The following COL13A1 variants were observed in gnomAD, a reference collection of about 807,000 sequenced individuals.
COL13A1 encodes collagen type XIII alpha 1 chain.
COL13A1 carries 89 observed loss-of-function variants against 130.9 expected under a neutral mutation model. That is an observed-to-expected ratio of 0.68 (90% confidence interval 0.57 to 0.81). The LOEUF (loss-of-function observed/expected upper bound fraction) is 0.81, where lower values mean the gene tolerates loss of function less well. COL13A1 is among the 30% of genes least tolerant of loss of function. COL13A1 has a pLI of 0.00. For synonymous variants in COL13A1, 402 were observed against 341.6 expected (o/e 1.18, Z -1.95); for missense variants, 879 against 934.6 (o/e 0.94, Z 0.78).
At chr10:69,849,168 G>T (rs570605009) in intron 2 of COL13A1, among the ~76,000 whole-genome samples, 2 of 152,206 alleles carry the variant, frequency 1.3e-5, no homozygotes, top group Non-Finnish European at 2.9e-5. Flanking sequence ...ACAGAGAACG[G>T]GTTTCTGACC....
chr10:69,910,024 A>G (rs2063191383), intron 17 of COL13A1, among the ~76,000 whole-genome samples: 1 of 152,172 alleles, frequency 6.6e-6, no homozygotes, highest in Non-Finnish European at 1.5e-5. Flanking sequence ...GCAGAAGTTG[A>G]ATATCTGCTC....
chr10:69,928,085 G>A (rs1285364864), intron 27 of COL13A1, among the ~76,000 whole-genome samples: 1 of 152,154 alleles, frequency 6.6e-6, no homozygotes, highest in Non-Finnish European at 1.5e-5. Flanking sequence ...CCGGGAGGCG[G>A]AGGTTGCAGT....
chr10:69,812,424 G>T (rs1330121606), intron 1 of COL13A1, among the ~76,000 whole-genome samples: 4 of 152,152 alleles, frequency 2.6e-5, no homozygotes, highest in African/African-American at 9.7e-5. Flanking sequence ...TTTTATGAGG[G>T]TTGTTTTTAG....
At chr10:69,944,323 G>A (rs1372029700) in intron 36 of COL13A1, 145 bp downstream of exon 36, 3 of 736,250 alleles carry the variant, frequency 4.1e-6, no homozygotes, top group African/African-American at 3.4e-5. Context: ...AGGGGGTGCT[G>A]GTTGTGTAGC....
chr10:69,830,406 G>A (rs1848537967), intron 2 of COL13A1, among the ~76,000 whole-genome samples: 1 of 152,094 alleles, frequency 6.6e-6, no homozygotes, highest in South Asian at 2.1e-4. Flanking sequence ...TGCACACACA[G>A]TAAACAGGAT....
At chr10:69,930,993 G>A (rs1435125968) in intron 30 of COL13A1, among the ~76,000 whole-genome samples, 1 of 152,192 alleles carries the variant, frequency 6.6e-6, no homozygotes, top group Non-Finnish European at 1.5e-5. Context: ...CTGCTAACTT[G>A]ACTTAGGGGC....
intron 2 of COL13A1, among the ~76,000 whole-genome samples, chr10:69,836,071 G>T (rs1329734770): frequency 6.6e-6 from 1 of 152,210 alleles, no homozygotes; most frequent in Middle Eastern, 3.2e-3. Context: ...AGCATCAGAA[G>T]CTCCCCCTGC....
At chr10:69,804,634 C>T (rs61241053) in intron 1 of COL13A1, among the ~76,000 whole-genome samples, 6,444 of 144,150 alleles carry the variant, frequency 0.045, 445 homozygotes, top group African/African-American at 0.15. Context: ...ATGTTCTTTG[C>T]GCTGTATCCT....
chr10:69,866,967 C>T (rs2058583529), intron 2 of COL13A1, among the ~76,000 whole-genome samples: 1 of 152,178 alleles, frequency 6.6e-6, no homozygotes, highest in Non-Finnish European at 1.5e-5. Context: ...TTTCGTGGCT[C>T]ATGTTCCGCA....
chr10:69,862,075 G>A (rs7914826), intron 2 of COL13A1, among the ~76,000 whole-genome samples: 1,736 of 152,278 alleles, frequency 0.011, 35 homozygotes, highest in African/African-American at 0.04. Context: ...GTCACTGGGC[G>A]CCAAGTTAGG....
At chr10:69,852,587 T>G (rs7914126) in intron 2 of COL13A1, among the ~76,000 whole-genome samples, 59,616 of 151,886 alleles carry the variant, frequency 0.39, 12,048 homozygotes, top group East Asian at 0.62. Flanking sequence ...CTTGACTGCC[T>G]GTCTGGCTGA....
chr10:69,902,813 A>G lies in COL13A1; in HGVS notation c.816A>G (p.Gly272=), dbSNP rs1262487345. 6.5e-7 allele frequency: 1 copy of G among 1,548,980 alleles called. No homozygotes were observed. The highest frequency in any genetic ancestry group is 2.5e-5 in the East Asian group (1 of 40,664). ...CCCCAGGCCCCCCTGGACCAAGTGG[A>G]CCTCTGGGGCACCCAGGACTGCCAG... ...PGPPGPPGPS[G]PLGHPGLPGP... Residue 272 remains glycine, a synonymous_variant, in exon 15 of 41, where the codon GGA becomes GGG. Transcript: ENST00000645393.
At chr10:69,807,566 T>C (rs371714234) in intron 1 of COL13A1, among the ~76,000 whole-genome samples, 3 of 152,102 alleles carry the variant, frequency 2.0e-5, no homozygotes, top group Non-Finnish European at 4.4e-5. Context: ...AGCTGAAAGA[T>C]TGGGGCTGTG....
intron 13 of COL13A1, chr10:69,897,575 G>A (rs2061776173): frequency 3.1e-6 from 5 of 1,604,556 alleles, no homozygotes; most frequent in Admixed American, 1.7e-5. Context: ...TCCACTGAGA[G>A]GCTTCCTGAA....
In COL13A1 at chr10:69,919,078, C is replaced by T; in HGVS notation, c.1016C>T (p.Pro339Leu). 4 of 1,614,028 alleles carry T rather than the reference C, an allele frequency of 2.5e-6. No homozygotes were observed. Among genetic ancestry groups the T allele is most frequent in the Non-Finnish European group, 3.4e-6 (4 of 1,179,880 alleles). ...VAGMKGEPGI[P>L]GTKGDPGAEG... is the part of the protein sequence containing the mutation. ...TCCACACAGGGTGAGCCAGGGATCC[C>T]AGGAACCAAGGTACTGATGCAGAGA... Residue 339 changes from proline (P) to leucine (L), a missense_variant, in exon 20 of 41, where the codon CCA (proline) becomes CTA (leucine). This residue lies in a region of COL13A1 where 715 missense variants were observed against 721.0 expected (regional missense o/e 0.99). Coordinates refer to ENST00000645393, the MANE Select transcript of COL13A1 (RefSeq NM_001368882.1).
At chr10:69,938,037 C>G (rs2067168537) in intron 34 of COL13A1, among the ~76,000 whole-genome samples, 1 of 152,224 alleles carries the variant, frequency 6.6e-6, no homozygotes, top group Admixed American at 6.5e-5. Flanking sequence ...TTTACGGGGC[C>G]AAGCTTGGAG....
intron 1 of COL13A1, 103 bp from the exon 2 acceptor site, chr10:69,822,266 C>T (rs768844816): frequency 5.2e-5 from 41 of 794,962 alleles, no homozygotes; most frequent in South Asian, 4.4e-5. Context: ...AGAGTTCTGC[C>T]GGTTTCCCCC....
At position 69,824,492 on chromosome 10, in the gene COL13A1, G is replaced by A. The variant is rs1315906622; in HGVS notation, c.364+2054G>A. ...GGCTCAGGTAGTCCTGGGAGGCTGGGAGCTGGGGAGGAATGTGGCAGGAGG... is the reference window on the plus strand; with the variant it reads ...GGCTCAGGTAGTCCTGGGAGGCTGGAAGCTGGGGAGGAATGTGGCAGGAGG... On this transcript the variant is annotated intron_variant, in intron 2 of 40. Coordinates refer to ENST00000645393, the MANE Select transcript of COL13A1 (RefSeq NM_001368882.1). Among the ~76,000 whole-genome samples the A allele has an allele frequency of 5.3e-5, 8 of 152,340 alleles. No individual in the cohort carries two copies. In the South Asian group the frequency reaches 1.4e-3, roughly 28 times the overall value.
rs1840210042 is a variant in COL13A1 at position 69,802,306 on chromosome 10, T to C, written c.-118T>C. ...TTGCCGGGAGCAGCGGAAAGGGACGTTTTCCAGCGATACAAGCCCTTTCCC... is the reference window on the plus strand; with the variant it reads ...TTGCCGGGAGCAGCGGAAAGGGACGCTTTCCAGCGATACAAGCCCTTTCCC... On this transcript the variant is annotated 5_prime_UTR_variant, in exon 1 of 41. Transcript: ENST00000645393. 1 of 1,194,298 alleles carries C rather than the reference T, an allele frequency of 8.4e-7. No homozygotes were observed. Among genetic ancestry groups the C allele is most frequent in the Non-Finnish European group, 1.1e-6 (1 of 922,214 alleles). The allele number at this position is 1,194,298 out of a possible 1,614,324, so 74.0% of individuals were successfully genotyped here.
Sources: allele counts gnomAD v4.1 joint callset (sites outside exome capture counted in the v4.1 genomes callset), GRCh38; gene constraint gnomAD v4.1.1; regional missense constraint gnomAD v4.1.1; transcripts MANE v1.5; gene names NCBI Gene and HGNC (gene_info 2026-07-23, HGNC 2026-07-21).